Variants in PIK3CB observed in about 807,000 individuals in gnomAD.
PIK3CB encodes phosphatidylinositol-4,5-bisphosphate 3-kinase catalytic subunit beta.
In PIK3CB, 39 loss-of-function variants were observed where a neutral mutation model predicts 136.8. The ratio of observed to expected loss-of-function variants is 0.29; its 90% confidence interval spans 0.22 to 0.37. PIK3CB has a LOEUF of 0.37. Ranked by LOEUF, PIK3CB falls within the 10% of genes least tolerant of loss-of-function variation. The pLI is 1.00. For synonymous variants in PIK3CB, 428 were observed against 436.6 expected (o/e 0.98, Z 0.25); for missense variants, 868 against 1,275.4 (o/e 0.68, Z 4.87).
intron 2 of PIK3CB, among the ~76,000 whole-genome samples, chr3:138,760,246 C>T (rs1173943833): frequency 6.6e-6 from 1 of 152,082 alleles, no homozygotes; most frequent in East Asian, 1.9e-4. Flanking sequence ...TTCTATCAAC[C>T]TCACGGCCCA....
chr3:138,768,682 T>C (rs1235037099), intron 2 of PIK3CB, among the ~76,000 whole-genome samples: 1 of 152,170 alleles, frequency 6.6e-6, no homozygotes, highest in Non-Finnish European at 1.5e-5. Flanking sequence ...CAAGCTGCCC[T>C]CAGCCTCCCC....
Position 138,833,132 on chromosome 3 carries a change from T to C in PIK3CB, c.-122+1563A>G, listed in dbSNP as rs1343025707. On this transcript the variant is annotated intron_variant, in intron 1 of 23. Transcript: ENST00000674063. ...CCCAGGCTGGAGTCCAGTGGTGCCA[T>C]CTCGGCTCACTGCAACCTCCGCCTC... Among the ~76,000 whole-genome samples, 3 of 146,764 alleles carry C rather than the reference T, an allele frequency of 2.0e-5. No individual in the cohort carries two copies. The East Asian group carries it at 6.5e-4, about 32-fold the overall frequency.
At chr3:138,707,980 T>C (rs1576343335) in intron 10 of PIK3CB, among the ~76,000 whole-genome samples, 1 of 152,254 alleles carries the variant, frequency 6.6e-6, no homozygotes, top group East Asian at 1.9e-4. Context: ...ATTTCACAGA[T>C]AAGAAACTCA....
intron 21 of PIK3CB, among the ~76,000 whole-genome samples, chr3:138,662,184 A>T (rs1282478269): frequency 3.4e-5 from 5 of 148,936 alleles, no homozygotes; most frequent in African/African-American, 1.2e-4. Context: ...ATATGTATAC[A>T]TGTGCCATGC....
chr3:138,796,338 T>G (rs4894354), intron 2 of PIK3CB, 125 bp downstream of exon 2: 61,895 of 146,004 alleles, frequency 0.42, 13,776 homozygotes, highest in Middle Eastern at 0.53. Context: ...TGAGCCGAGA[T>G]TGCACCACTG....
intron 21 of PIK3CB, among the ~76,000 whole-genome samples, chr3:138,658,538 T>A (rs2043231284): frequency 6.6e-6 from 1 of 152,194 alleles, no homozygotes; most frequent in Admixed American, 6.5e-5. Context: ...TTCTTACTCT[T>A]CTCACTAGGT....
At chr3:138,771,765 A>G (rs2045803068) in intron 2 of PIK3CB, among the ~76,000 whole-genome samples, 3 of 152,038 alleles carry the variant, frequency 2.0e-5, no homozygotes, top group African/African-American at 7.2e-5. Context: ...AAAATTTAAA[A>G]ATTGGCTGGG....
chr3:138,744,687 T>C (rs559220434), intron 4 of PIK3CB, among the ~76,000 whole-genome samples: 1 of 152,310 alleles, frequency 6.6e-6, no homozygotes, highest in East Asian at 1.9e-4. Context: ...TTAGTTTCAG[T>C]GCTGGTATCA....
chr3:138,675,093 G>A (rs34096688), intron 19 of PIK3CB, among the ~76,000 whole-genome samples: 2,160 of 152,132 alleles, frequency 0.014, 24 homozygotes, highest in Non-Finnish European at 0.023. Flanking sequence ...TGAGAATGAT[G>A]TATCAACAAA....
chr3:138,753,510 G>A (rs535551441), intron 4 of PIK3CB, among the ~76,000 whole-genome samples: 1 of 151,980 alleles, frequency 6.6e-6, no homozygotes, highest in Non-Finnish European at 1.5e-5. Flanking sequence ...AACAGAGTGA[G>A]ACTCTGTATC....
chr3:138,731,206 G>A (rs568347862), intron 8 of PIK3CB, among the ~76,000 whole-genome samples: 1 of 152,084 alleles, frequency 6.6e-6, no homozygotes, highest in East Asian at 1.9e-4. Context: ...TGATGGTAAG[G>A]AGAGACCAGT....
chr3:138,816,655 C>T (rs1452898380), intron 1 of PIK3CB, among the ~76,000 whole-genome samples: 2 of 150,640 alleles, frequency 1.3e-5, no homozygotes, highest in Non-Finnish European at 3.0e-5. Context: ...AAATAGAAAC[C>T]ACAAGGTGAC....
At chr3:138,794,176 T>A (rs1475657927) in intron 2 of PIK3CB, among the ~76,000 whole-genome samples, 1 of 152,152 alleles carries the variant, frequency 6.6e-6, no homozygotes, top group African/African-American at 2.4e-5. Flanking sequence ...GTTGGCCAGC[T>A]GGTCTCCAAC....
At chr3:138,703,468 G>A (rs1480784404) in intron 12 of PIK3CB, among the ~76,000 whole-genome samples, 1 of 151,958 alleles carries the variant, frequency 6.6e-6, no homozygotes, top group African/African-American at 2.4e-5. Context: ...AACTGATGAC[G>A]AGAATACTGG....
intron 3 of PIK3CB, among the ~76,000 whole-genome samples, chr3:138,757,837 G>A (rs2045600868): frequency 6.6e-6 from 1 of 152,160 alleles, no homozygotes; most frequent in South Asian, 2.1e-4. Context: ...AGCCACTGTG[G>A]AAAACAGTGT....
intron 1 of PIK3CB, among the ~76,000 whole-genome samples, chr3:138,832,827 T>C (rs1258568151): frequency 1.1e-5 from 1 of 88,646 alleles, no homozygotes; most frequent in African/African-American, 4.8e-5. Context: ...CGAAACTCCG[T>C]CTCAAAAAAA....
rs139255296 is a variant in PIK3CB, at chr3:138,808,601, T to G, written c.-121-12034A>C. ...GAGGCTGAGGTGGGGTGGGGGTCACTTGAGCCTGGGAGGCAGAGGTAACAG... is the reference window on the plus strand; with the variant it reads ...GAGGCTGAGGTGGGGTGGGGGTCACGTGAGCCTGGGAGGCAGAGGTAACAG... On this transcript the variant is annotated intron_variant, in intron 1 of 23. Coordinates refer to ENST00000674063, the MANE Select transcript of PIK3CB (RefSeq NM_006219.3). Among the ~76,000 whole-genome samples, 18 of 152,044 alleles carry G rather than the reference T, an allele frequency of 1.2e-4. No individual in the cohort carries two copies. In the East Asian group the frequency reaches 3.5e-3, roughly 29 times the overall value.
At chr3:138,718,466 G>A (rs1397471832) in intron 8 of PIK3CB, among the ~76,000 whole-genome samples, 3 of 151,948 alleles carry the variant, frequency 2.0e-5, no homozygotes, top group African/African-American at 7.3e-5. Context: ...CCATTCTGTA[G>A]GCTGTTTACT....
chr3:138,747,694 C>T (rs2045389160), intron 4 of PIK3CB, among the ~76,000 whole-genome samples: 1 of 152,138 alleles, frequency 6.6e-6, no homozygotes, highest in Admixed American at 6.5e-5. Context: ...ACATATCATG[C>T]ATTAATGACA....
Sources: allele counts gnomAD v4.1 joint callset (sites outside exome capture counted in the v4.1 genomes callset), GRCh38; gene constraint gnomAD v4.1.1; transcripts MANE v1.5; gene names NCBI Gene and HGNC (gene_info 2026-07-23, HGNC 2026-07-21).